CDH18: variants seen among roughly 807,000 people sequenced by gnomAD.
CDH18 encodes the protein cadherin-18.
CDH18 carries 31 observed loss-of-function variants against 67.9 expected under a neutral mutation model. The ratio of observed to expected loss-of-function variants is 0.46; its 90% confidence interval spans 0.34 to 0.62. The LOEUF is 0.62. Among genes scored for constraint, CDH18 ranks in the 20% least tolerant of loss-of-function variants. The pLI is 0.01. For missense variants in CDH18, 890 were observed against 975.5 expected (o/e 0.91, Z 1.17); for synonymous variants, 362 against 347.2 (o/e 1.04, Z -0.48).
chr5:20,007,383 A>G (rs915233479), intron 2 of CDH18, among the ~76,000 whole-genome samples: 28 of 152,090 alleles, frequency 1.8e-4, no homozygotes, highest in Admixed American at 1.4e-3. Context: ...CTTAGGCATC[A>G]TTCCACAAAA....
At chr5:20,558,877 A>G (rs1211650985) in intron 1 of CDH18, among the ~76,000 whole-genome samples, 3 of 151,952 alleles carry the variant, frequency 2.0e-5, no homozygotes, top group Admixed American at 2.0e-4. Context: ...AAACACATGG[A>G]GAAGGCTTTG....
intron 1 of CDH18, among the ~76,000 whole-genome samples, chr5:20,500,804 T>C (rs566612306): frequency 6.6e-6 from 1 of 152,298 alleles, no homozygotes; most frequent in East Asian, 1.9e-4. Flanking sequence ...AGGACATCCA[T>C]ATAGTAAGTG....
At chr5:19,669,783 G>A (rs1758491809) in intron 5 of CDH18, among the ~76,000 whole-genome samples, 1 of 152,150 alleles carries the variant, frequency 6.6e-6, no homozygotes, top group Non-Finnish European at 1.5e-5. Flanking sequence ...TCATTACTCA[G>A]TAACTATTTC....
chr5:20,488,673 TTATATATA>T (rs34690857), intron 1 of CDH18, among the ~76,000 whole-genome samples: 4,545 of 126,962 alleles, frequency 0.036, 265 homozygotes, highest in African/African-American at 0.12. Context: ...GGGTAGTGTT[TTATATATA>T]TATATATATA....
At chr5:20,065,425 C>T (rs1399191255) in intron 2 of CDH18, among the ~76,000 whole-genome samples, 2 of 151,844 alleles carry the variant, frequency 1.3e-5, no homozygotes, top group Non-Finnish European at 2.9e-5. Context: ...AGTTTAGACA[C>T]TTATAATTTT....
intron 1 of CDH18, among the ~76,000 whole-genome samples, chr5:20,266,393 C>T (rs1328360005): frequency 6.6e-6 from 1 of 151,672 alleles, no homozygotes; most frequent in African/African-American, 2.4e-5. Flanking sequence ...ATTTCCATAG[C>T]ACAAGAAAAA....
intron 5 of CDH18, among the ~76,000 whole-genome samples, chr5:19,653,958 T>C (rs1341588034): frequency 6.6e-6 from 1 of 152,170 alleles, no homozygotes; most frequent in Non-Finnish European, 1.5e-5. Context: ...GCATAATCTC[T>C]TGTAGAAGAG....
At chr5:19,799,956 TTC>T (rs1166995621) in intron 3 of CDH18, among the ~76,000 whole-genome samples, 1 of 152,202 alleles carries the variant, frequency 6.6e-6, no homozygotes, top group Non-Finnish European at 1.5e-5. Flanking sequence ...TATTTTTTTC[TTC>T]TTTCTAAAGT....
chr5:20,499,538 T>C (rs1436413971), intron 1 of CDH18, among the ~76,000 whole-genome samples: 1 of 152,134 alleles, frequency 6.6e-6, no homozygotes, highest in African/African-American at 2.4e-5. Flanking sequence ...AAATTATTGT[T>C]TTAACATCTC....
chr5:19,808,983 C>G (rs1778352411), intron 3 of CDH18, among the ~76,000 whole-genome samples: 1 of 151,532 alleles, frequency 6.6e-6, no homozygotes, highest in African/African-American at 2.4e-5. Flanking sequence ...AGTATCAAAG[C>G]ATGATAAAAG....
At chr5:20,202,705 T>C (rs1158250849) in intron 2 of CDH18, among the ~76,000 whole-genome samples, 1 of 152,058 alleles carries the variant, frequency 6.6e-6, no homozygotes, top group Non-Finnish European at 1.5e-5. Context: ...ATTTTCAGAA[T>C]TATTGTTACT....
At chr5:19,998,512 C>A (rs1285702161) in intron 2 of CDH18, among the ~76,000 whole-genome samples, 1 of 152,104 alleles carries the variant, frequency 6.6e-6, no homozygotes, top group Non-Finnish European at 1.5e-5. Context: ...CATTAGATAT[C>A]AACAAATTAT....
intron 1 of CDH18, among the ~76,000 whole-genome samples, chr5:20,287,479 T>C (rs1746775098): frequency 6.6e-6 from 1 of 151,768 alleles, no homozygotes; most frequent in South Asian, 2.1e-4. Flanking sequence ...AATCTAAAAC[T>C]TTCCTCCATC....
intron 2 of CDH18, among the ~76,000 whole-genome samples, chr5:20,182,783 C>G (rs770940526): frequency 1.1e-4 from 17 of 151,572 alleles, no homozygotes; most frequent in Non-Finnish European, 2.1e-4. Context: ...ATCCTAGTGG[C>G]TTGACCTTGG....
chr5:20,021,490 G>T (rs1323631203), intron 2 of CDH18, among the ~76,000 whole-genome samples: 1 of 152,110 alleles, frequency 6.6e-6, no homozygotes, highest in African/African-American at 2.4e-5. Context: ...GAGGAGATTG[G>T]ATCATGGGAA....
intron 5 of CDH18, among the ~76,000 whole-genome samples, chr5:19,683,807 C>T (rs954592711): frequency 6.6e-6 from 1 of 152,116 alleles, no homozygotes; most frequent in Non-Finnish European, 1.5e-5. Context: ...ATTCTTTAAT[C>T]TTCCTCTGAG....
At chr5:19,921,964 G>A (rs1792530869) in intron 2 of CDH18, among the ~76,000 whole-genome samples, 1 of 151,650 alleles carries the variant, frequency 6.6e-6, no homozygotes, top group African/African-American at 2.4e-5. Flanking sequence ...GAAAACCTCT[G>A]GCCTAGAGGG....
chr5:19,755,462 C>CACATATAT (rs1554024419), intron 3 of CDH18, among the ~76,000 whole-genome samples: 5 of 79,256 alleles, frequency 6.3e-5, no homozygotes, highest in Admixed American at 1.9e-4. Context: ...TATATATACA[C>CACATATAT]ACACACACAC....
At chr5:20,330,518 T>C (rs1739071013) in intron 1 of CDH18, among the ~76,000 whole-genome samples, 2 of 152,142 alleles carry the variant, frequency 1.3e-5, no homozygotes, top group South Asian at 4.1e-4. Context: ...TCTCTGGAGT[T>C]AGGCGAGTGG....
Sources: gnomAD v4.1 joint callset for allele counts (sites outside exome capture counted in the v4.1 genomes callset) on GRCh38, gnomAD v4.1.1 for gene constraint, MANE v1.5 for transcripts, NCBI Gene and HGNC (gene_info 2026-07-23, HGNC 2026-07-21) for gene names.